The following EPC2 variants were observed in gnomAD, a reference collection of about 807,000 sequenced individuals.
EPC2 encodes the protein enhancer of polycomb homolog 2.
A neutral mutation model predicts 92.1 loss-of-function variants in EPC2; 14 were observed. The observed-to-expected ratio is 0.15, with a 90% confidence interval of 0.10 to 0.24. The LOEUF is 0.24. Ranked by LOEUF, EPC2 falls within the 10% of genes least tolerant of loss-of-function variation. The pLI, the probability that EPC2 is intolerant of heterozygous loss-of-function variation, is 1.00. For synonymous variants in EPC2, 340 were observed against 334.7 expected (o/e 1.02, Z -0.17); for missense variants, 755 against 971.5 (o/e 0.78, Z 2.96).
rs927502762 is a variant in EPC2 at position 148,729,649 on chromosome 2, T to C, written c.314-13973T>C. 2.0e-5 allele frequency among the ~76,000 whole-genome samples: 3 copies of C among 152,278 alleles called. No homozygotes were observed. In the South Asian group the frequency reaches 6.2e-4, roughly 32 times the overall value. Reference sequence around the variant, plus strand: ...TTGGTTATTATAAAGCAACAAGGGATGGAAAATCTGATGAATGAGAAAAAA... The same window carrying C: ...TTGGTTATTATAAAGCAACAAGGGACGGAAAATCTGATGAATGAGAAAAAA... On this transcript the variant is annotated intron_variant, in intron 2 of 13. Coordinates refer to ENST00000258484, the MANE Select transcript of EPC2 (RefSeq NM_015630.4).
chr2:148,738,338 C>T (rs530345099), intron 2 of EPC2, among the ~76,000 whole-genome samples: 48 of 152,306 alleles, frequency 3.2e-4, no homozygotes, highest in Admixed American at 7.2e-4. Flanking sequence ...ATTGGAGTGT[C>T]ACCTGTCAAA....
intron 1 of EPC2, among the ~76,000 whole-genome samples, chr2:148,681,024 T>C (rs1465836565): frequency 1.3e-5 from 2 of 152,170 alleles, no homozygotes; most frequent in Admixed American, 1.3e-4. Context: ...GACTTTATCC[T>C]GTAGATGGTG....
intron 1 of EPC2, among the ~76,000 whole-genome samples, chr2:148,645,947 T>C (rs191993770): frequency 6.6e-6 from 1 of 152,372 alleles, no homozygotes; most frequent in East Asian, 1.9e-4. Context: ...CCTTAGAAGT[T>C]GAGGACCTAG....
At chr2:148,782,157 C>T (rs1210391045) in intron 11 of EPC2, among the ~76,000 whole-genome samples, 1 of 152,186 alleles carries the variant, frequency 6.6e-6, no homozygotes, top group African/African-American at 2.4e-5. Flanking sequence ...TGTGGATGTG[C>T]TCCATGAGCT....
chr2:148,770,671 T>C, intron 8 of EPC2, 121 bp from the exon 9 acceptor site: 1 of 1,127,326 alleles, frequency 8.9e-7, no homozygotes, highest in East Asian at 2.8e-5. Flanking sequence ...TACAGTTTTA[T>C]ATCTAGATTT....
At chr2:148,711,374 T>C (rs114146965) in intron 2 of EPC2, among the ~76,000 whole-genome samples, 1,896 of 152,288 alleles carry the variant, frequency 0.012, 37 homozygotes, top group African/African-American at 0.044. Context: ...CTTGGGATTC[T>C]AAGTATTTTG....
chr2:148,777,355 A>G (rs1194746127), intron 10 of EPC2, among the ~76,000 whole-genome samples: 2 of 152,194 alleles, frequency 1.3e-5, no homozygotes, highest in Non-Finnish European at 2.9e-5. Flanking sequence ...ATGACTTCCC[A>G]AGAATACATC....
At chr2:148,692,849 T>G (rs1681670763) in intron 2 of EPC2, 1 of 152,190 alleles carries the variant, frequency 6.6e-6, no homozygotes, top group Non-Finnish European at 1.5e-5. Context: ...TTTTTTTCAT[T>G]TCATTTTATT....
rs112167355 is a variant in EPC2 at position 148,785,322 on chromosome 2, C to T, written c.2351+321C>T. ...TATGTTAGAAGCTTCAGTTACTCTT[C>T]CCCCCACTGCCCGCCCCACCCCCGA... On this transcript the variant is annotated intron_variant, in intron 13 of 13. Coordinates refer to ENST00000258484, the MANE Select transcript of EPC2 (RefSeq NM_015630.4). 7.0e-4 allele frequency among the ~76,000 whole-genome samples: 106 copies of T among 152,090 alleles called. 1 individual carries two copies. Among genetic ancestry groups the T allele is most frequent in the African/African-American group, 2.4e-3 (99 of 41,516 alleles).
chr2:148,727,275 C>T (rs1195127910), intron 2 of EPC2, among the ~76,000 whole-genome samples: 2 of 152,070 alleles, frequency 1.3e-5, no homozygotes, highest in Non-Finnish European at 2.9e-5. Flanking sequence ...CTGTTCTGTT[C>T]CATTGGTCTG....
chr2:148,709,747 A>G (rs1682092899), intron 2 of EPC2, among the ~76,000 whole-genome samples: 1 of 152,238 alleles, frequency 6.6e-6, no homozygotes, highest in Non-Finnish European at 1.5e-5. Context: ...CAATGGGGAA[A>G]AGGATTCCCT....
intron 2 of EPC2, among the ~76,000 whole-genome samples, chr2:148,733,782 G>C (rs1682695012): frequency 6.6e-6 from 1 of 151,940 alleles, no homozygotes; most frequent in South Asian, 2.1e-4. Flanking sequence ...GAGCCACCGT[G>C]CCTGACCCTT....
intron 7 of EPC2, among the ~76,000 whole-genome samples, chr2:148,767,764 A>C (rs998136114): frequency 3.3e-5 from 5 of 152,202 alleles, no homozygotes; most frequent in Non-Finnish European, 7.3e-5. Flanking sequence ...TTGTCTTCCT[A>C]TGCCTCAGAC....
chr2:148,781,879 C>G, intron 11 of EPC2, 99 bp downstream of exon 11: 1 of 1,438,598 alleles, frequency 7.0e-7, no homozygotes, highest in East Asian at 2.3e-5. Context: ...TTGGTTTTGC[C>G]ACTCTTGATT....
At chr2:148,761,636 G>A (rs1251864055) in intron 4 of EPC2, 146 bp from the exon 5 acceptor site, 1 of 479,648 alleles carries the variant, frequency 2.1e-6, no homozygotes, top group East Asian at 4.0e-5. Context: ...AATAGTTATA[G>A]GTTATCTTAC....
chr2:148,723,732 G>A (rs1682429838), intron 2 of EPC2, among the ~76,000 whole-genome samples: 1 of 152,038 alleles, frequency 6.6e-6, no homozygotes, highest in Admixed American at 6.6e-5. Context: ...TCCACTCGAT[G>A]TTTAGACTTT....
chr2:148,780,207 A>G (rs968237383), intron 10 of EPC2, among the ~76,000 whole-genome samples: 5 of 152,182 alleles, frequency 3.3e-5, no homozygotes, highest in African/African-American at 4.8e-5. Context: ...GCACTGTAAT[A>G]GCCCCCAGTT....
intron 7 of EPC2, 53 bp from the exon 8 acceptor site, chr2:148,769,098 C>A: frequency 8.6e-7 from 1 of 1,157,522 alleles, no homozygotes; most frequent in Non-Finnish European, 1.3e-6. Flanking sequence ...GTATTACAAA[C>A]ATTGATCTAT....
At chr2:148,660,796 C>T (rs1369393411) in intron 1 of EPC2, among the ~76,000 whole-genome samples, 4 of 151,762 alleles carry the variant, frequency 2.6e-5, no homozygotes, top group Non-Finnish European at 5.9e-5. Context: ...GAGATGCTAC[C>T]TCCATCCTAT....
Sources: gnomAD v4.1 joint callset for allele counts (sites outside exome capture counted in the v4.1 genomes callset) on GRCh38, gnomAD v4.1.1 for gene constraint, MANE v1.5 for transcripts, NCBI Gene and HGNC (gene_info 2026-07-23, HGNC 2026-07-21) for gene names.